LEPR: variants seen among roughly 807,000 people sequenced by gnomAD.
LEPR encodes leptin receptor.
LEPR carries 56 observed loss-of-function variants against 114.7 expected under a neutral mutation model. That is an observed-to-expected ratio of 0.49 (90% CI 0.39 to 0.61). The LOEUF (loss-of-function observed/expected upper bound fraction) is 0.61. Among genes scored for constraint, LEPR ranks in the 20% least tolerant of loss-of-function variants. The pLI is 0.00. For missense variants in LEPR, 1,202 were observed against 1,352.9 expected, an observed-to-expected ratio of 0.89 and a Z score of 1.75; for synonymous variants, 443 against 461.4, an observed-to-expected ratio of 0.96 and a Z score of 0.51.
At chr1:65,428,093 A>C (rs1434272951) in intron 2 of LEPR, 1 of 152,846 alleles carries the variant, frequency 6.5e-6, no homozygotes, top group Non-Finnish European at 1.5e-5. Context: ...AGTAGTTGAG[A>C]TAGTCTTTAT....
At chr1:65,422,859 C>T (rs1232285117) in intron 1 of LEPR, among the ~76,000 whole-genome samples, 2 of 152,146 alleles carry the variant, frequency 1.3e-5, no homozygotes, top group Non-Finnish European at 2.9e-5. Flanking sequence ...GTGGAAGCAA[C>T]CGCAAAGGGA....
intron 2 of LEPR, among the ~76,000 whole-genome samples, chr1:65,516,180 A>G (rs942762499): frequency 6.6e-6 from 1 of 152,156 alleles, no homozygotes; most frequent in African/African-American, 2.4e-5. Flanking sequence ...CACACCTGTA[A>G]TCTCAGCACT....
At chr1:65,526,696 G>T (rs1351682088) in intron 2 of LEPR, among the ~76,000 whole-genome samples, 1 of 152,114 alleles carries the variant, frequency 6.6e-6, no homozygotes, top group East Asian at 1.9e-4. Context: ...ATGACACTGT[G>T]GTTCGTTTAA....
intron 2 of LEPR, among the ~76,000 whole-genome samples, chr1:65,457,770 GTTTC>G (rs1408246835): frequency 6.6e-6 from 1 of 150,546 alleles, no homozygotes; most frequent in Non-Finnish European, 1.5e-5. Flanking sequence ...GTGTTCTCAT[GTTTC>G]TTTGTTTCTT....
intron 2 of LEPR, among the ~76,000 whole-genome samples, chr1:65,508,137 GTTGT>G (rs1417496548): frequency 6.6e-6 from 1 of 152,068 alleles, no homozygotes; most frequent in African/African-American, 2.4e-5. Context: ...CAGTTTATGG[GTTGT>G]TTCTTTACTC....
chr1:65,630,073 T>A (rs1658438960), intron 19 of LEPR: 1 of 158,634 alleles, frequency 6.3e-6, no homozygotes, highest in Non-Finnish European at 1.4e-5. Flanking sequence ...TTCTTAGAAA[T>A]AGCCTTTCCA....
At chr1:65,454,689 A>G (rs370012378) in intron 2 of LEPR, among the ~76,000 whole-genome samples, 56 of 152,284 alleles carry the variant, frequency 3.7e-4, no homozygotes, top group South Asian at 6.2e-4. Context: ...TGGGTAACCC[A>G]ACCTTTCTCT....
chr1:65,552,329 A>G (rs1255427351), intron 2 of LEPR, among the ~76,000 whole-genome samples: 1 of 152,064 alleles, frequency 6.6e-6, no homozygotes, highest in African/African-American at 2.4e-5. Flanking sequence ...CACTATTATC[A>G]TGTGGCAGTT....
intron 14 of LEPR, 39 bp from the exon 15 acceptor site, chr1:65,615,969 T>C: frequency 6.2e-7 from 1 of 1,612,322 alleles, no homozygotes; most frequent in Non-Finnish European, 8.5e-7. Context: ...TAAAAAGCAC[T>C]GCAGCCCTTA....
intron 10 of LEPR, among the ~76,000 whole-genome samples, chr1:65,602,572 C>T (rs974337626): frequency 6.6e-6 from 1 of 151,936 alleles, no homozygotes; most frequent in African/African-American, 2.4e-5. Flanking sequence ...AATGATACAA[C>T]CCTTGATTAT....
At chr1:65,421,433 G>T in intron 1 of LEPR, 1 of 1,536,032 alleles carries the variant, frequency 6.5e-7, no homozygotes, top group Non-Finnish European at 8.7e-7. Context: ...GACGGAAAAG[G>T]TTTTTTGCAA....
Position 65,633,107 on chromosome 1 carries a change from AT to A in LEPR, c.2674-3078del. 1 of 1,303,944 alleles carries A rather than the reference AT, an allele frequency of 7.7e-7. No homozygotes were observed. The highest frequency in any genetic ancestry group is 1.1e-6 in the Non-Finnish European group (1 of 906,330). The allele number at this position is 1,303,944 out of a possible 1,614,324, so 80.8% of individuals were successfully genotyped here. A position where few individuals can be genotyped will look rare whatever the true frequency, so the allele number is the denominator to read the frequency against. On this transcript the variant is annotated intron_variant, in intron 19 of 19. Coordinates refer to ENST00000349533, the MANE Select transcript of LEPR (RefSeq NM_002303.6). The surrounding 1 kb of genome is among the most constrained non-coding windows in gnomAD (Gnocchi z 4.1). The stretch of plus-strand genomic sequence containing the variant: ...TCTTTTATCTTTTTCTTTGTGAGTG[AT>A]TTTTTATTTTGCTTTCTTATTTTGT...
At chr1:65,451,491 C>A (rs1395357653) in intron 2 of LEPR, among the ~76,000 whole-genome samples, 2 of 152,070 alleles carry the variant, frequency 1.3e-5, no homozygotes, top group Non-Finnish European at 2.9e-5. Flanking sequence ...CAGCTTTCTA[C>A]ATATGGCTAG....
At chr1:65,597,155 C>A (rs192344584) in intron 7 of LEPR, among the ~76,000 whole-genome samples, 1 of 152,152 alleles carries the variant, frequency 6.6e-6, no homozygotes, top group African/African-American at 2.4e-5. Flanking sequence ...ATCCCTCTTA[C>A]CATGATGTTT....
chr1:65,546,188 C>CTGTG (rs1651702280), intron 2 of LEPR, among the ~76,000 whole-genome samples: 1 of 152,148 alleles, frequency 6.6e-6, no homozygotes, highest in South Asian at 2.1e-4. Flanking sequence ...GGTACCAGTA[C>CTGTG]CGTGCTGTTT....
chr1:65,460,726 G>A (rs1570492797), intron 2 of LEPR, among the ~76,000 whole-genome samples: 1 of 151,810 alleles, frequency 6.6e-6, no homozygotes, highest in Non-Finnish European at 1.5e-5. Flanking sequence ...GCTTGGTGGT[G>A]TGCACCTGTA....
At chr1:65,567,409 A>G (rs1268159006) in intron 3 of LEPR, among the ~76,000 whole-genome samples, 4 of 152,202 alleles carry the variant, frequency 2.6e-5, no homozygotes, top group African/African-American at 9.6e-5. Context: ...TCAAAAAACT[A>G]TTCTGTTTTC....
chr1:65,424,751 T>C (rs1646324762), intron 1 of LEPR, among the ~76,000 whole-genome samples: 1 of 152,198 alleles, frequency 6.6e-6, no homozygotes, highest in Admixed American at 6.5e-5. Flanking sequence ...TGCTCTCACA[T>C]TGGAGAACAG....
rs549964085 is a variant in LEPR, at chr1:65,531,886, T to C, written c.-20-33660T>C. Among the ~76,000 whole-genome samples the C allele has an allele frequency of 2.0e-5, 3 of 147,004 alleles. No individual in the cohort carries two copies. In the South Asian group the frequency reaches 6.4e-4, roughly 31 times the overall value. ...AGTGTGCTAGTATACGAAGTTTCTT[T>C]AGAGCGTAAAACCAATAGACAAATT... On this transcript the variant is annotated intron_variant, in intron 2 of 19. Transcript: ENST00000349533.
Sources: gnomAD v4.1 joint callset for allele counts (sites outside exome capture counted in the v4.1 genomes callset) on GRCh38, gnomAD v4.1.1 for gene constraint, Gnocchi (gnomAD v3.1) non-coding constraint, MANE v1.5 for transcripts, NCBI Gene and HGNC (gene_info 2026-07-23, HGNC 2026-07-21) for gene names.